ARID5B: variants seen among roughly 807,000 people sequenced by gnomAD.
ARID5B encodes the protein AT-rich interactive domain-containing protein 5B.
A neutral mutation model predicts 97.2 loss-of-function variants in ARID5B; 13 were observed. That is an observed-to-expected ratio of 0.13 (90% CI 0.09 to 0.21). The LOEUF (loss-of-function observed/expected upper bound fraction) is 0.21. ARID5B is among the 10% of genes least tolerant of loss of function. The pLI is 1.00. For missense variants in ARID5B, 1,210 were observed against 1,465.3 expected (o/e 0.83, Z 2.84); for synonymous variants, 556 against 570.3 (o/e 0.97, Z 0.36).
chr10:61,991,858 T>G (rs2132857044), intron 3 of ARID5B, among the ~76,000 whole-genome samples: 1 of 152,112 alleles, frequency 6.6e-6, no homozygotes, highest in East Asian at 1.9e-4. Context: ...GGAGAAACCC[T>G]GTCTCTACTA....
chr10:61,911,655 C>A (rs753699571), intron 2 of ARID5B, among the ~76,000 whole-genome samples: 2 of 152,166 alleles, frequency 1.3e-5, no homozygotes, highest in African/African-American at 2.4e-5. Context: ...GAGCGGCACC[C>A]AGTTTTAACC....
intron 2 of ARID5B, among the ~76,000 whole-genome samples, chr10:61,921,376 A>G (rs1029758888): frequency 6.6e-6 from 1 of 152,212 alleles, no homozygotes; most frequent in Non-Finnish European, 1.5e-5. Flanking sequence ...TTAATACTTC[A>G]GACCCACTCA....
intron 2 of ARID5B, among the ~76,000 whole-genome samples, chr10:61,934,269 C>T (rs1023632515): frequency 1.8e-4 from 28 of 152,160 alleles, no homozygotes; most frequent in African/African-American, 6.5e-4. Context: ...ATCTTTCTAC[C>T]CAGACCACTA....
Position 62,001,018 on chromosome 10 carries a change from A to G in ARID5B, c.733+697A>G, listed in dbSNP as rs1389735869. On this transcript the variant is annotated intron_variant, in intron 4 of 9. Coordinates refer to ENST00000279873, the MANE Select transcript of ARID5B (RefSeq NM_032199.3). ...TAGCTAACTGGTCACGTGTCTCTAC[A>G]TGTAGACAGAAGGGGAGGAGAAGAA... 5.9e-5 allele frequency among the ~76,000 whole-genome samples: 9 copies of G among 152,216 alleles called. No homozygotes were observed. In the East Asian group the frequency reaches 1.5e-3, roughly 26 times the overall value.
rs115880051 is a variant in ARID5B at position 62,062,326 on chromosome 10, T to G, written c.1101+3031T>G. Among the ~76,000 whole-genome samples the G allele has an allele frequency of 4.4e-3, 668 of 152,324 alleles. 5 individuals are homozygous for G. Among genetic ancestry groups the G allele is most frequent in the African/African-American group, 0.015 (638 of 41,570 alleles). ...TAGAGTCTTCTAGATCAGTGGCTCC[T>G]AAAAGCTACTCAAGAATAGGGCTCA... On this transcript the variant is annotated intron_variant, in intron 7 of 9. Coordinates refer to ENST00000279873, the MANE Select transcript of ARID5B (RefSeq NM_032199.3).
intron 3 of ARID5B, among the ~76,000 whole-genome samples, chr10:61,969,835 GT>G (rs1838601023): frequency 6.6e-6 from 1 of 152,026 alleles, no homozygotes; most frequent in Admixed American, 6.6e-5. Context: ...TTTTGGATTT[GT>G]TTTTTGCCCT....
In ARID5B at chr10:62,091,331, T is replaced by C; in HGVS notation, c.1868T>C (p.Ile623Thr). The C allele has an allele frequency of 6.2e-7, 1 of 1,614,150 alleles. No individual in the cohort carries two copies. Among genetic ancestry groups the C allele is most frequent in the Non-Finnish European group, 8.5e-7 (1 of 1,180,012 alleles). Residue 623 changes from isoleucine to threonine, a missense_variant, in exon 10 of 10, where the codon ATT becomes ACT. Coordinates refer to ENST00000279873, the MANE Select transcript of ARID5B (RefSeq NM_032199.3). ...AAACTGCCCGCCATGGCAGATTACA[T>C]TGCCAACTGCACCGTGAAGGTGGAC... ...DDKLPAMADY[I>T]ANCTVKVDQL...
Position 61,902,209 on chromosome 10 carries a change from T to C in ARID5B, c.72T>C (p.Ala24=), listed in dbSNP as rs1233742210. Residue 24 remains alanine (A), a synonymous_variant, in exon 2 of 10, where the codon GCT becomes GCC. Transcript: ENST00000279873. ...ACGGACCTTACATTTTCTACAAGGC[T>C]TTTCAATTCCACCTTGAAGGCAAAC... The part of the protein sequence containing the change: ...GLHGPYIFYK[A]FQFHLEGKPR... 6.2e-7 allele frequency: 1 copy of C among 1,613,814 alleles called. No homozygotes were observed. Among genetic ancestry groups the C allele is most frequent in the South Asian group, 1.1e-5 (1 of 91,066 alleles).
At chr10:61,978,483 T>C (rs898885645) in intron 3 of ARID5B, among the ~76,000 whole-genome samples, 1 of 152,252 alleles carries the variant, frequency 6.6e-6, no homozygotes, top group African/African-American at 2.4e-5. Flanking sequence ...TGATTCTTCC[T>C]ACCCATGAGC....
chr10:62,043,314 G>A (rs183419637), intron 4 of ARID5B, among the ~76,000 whole-genome samples: 3 of 152,330 alleles, frequency 2.0e-5, no homozygotes, highest in African/African-American at 7.2e-5. Flanking sequence ...TCAAGCAGTA[G>A]TGAAAAGCAT....
chr10:62,091,491 C>T lies in ARID5B; in HGVS notation c.2028C>T (p.Pro676=). The T allele has an allele frequency of 1.2e-6, 2 of 1,613,368 alleles. No homozygotes were observed. The highest frequency in any genetic ancestry group is 1.7e-6 in the Non-Finnish European group (2 of 1,179,708). ...MNENHGLNYT[P]LLYSRGNPGI... ...AGAACCATGGACTTAATTACACGCCCCTGCTCTACTCTAGGGGCAACCCAG... is the reference window on the plus strand; with the variant it reads ...AGAACCATGGACTTAATTACACGCCTCTGCTCTACTCTAGGGGCAACCCAG... Residue 676 remains proline (P), a synonymous_variant, in exon 10 of 10, where the codon CCC becomes CCT. Transcript: ENST00000279873.
rs904729545 is a variant in ARID5B at position 62,015,009 on chromosome 10, C to T, written c.733+14688C>T. ...GGTGTTTCCAATGATTCTCTGTAAA[C>T]GTTACACTTCATTAATTAGAACAAC... On this transcript the variant is annotated intron_variant, in intron 4 of 9. Coordinates refer to ENST00000279873, the MANE Select transcript of ARID5B (RefSeq NM_032199.3). Among the ~76,000 whole-genome samples, 7 of 152,104 alleles carry T rather than the reference C, an allele frequency of 4.6e-5. No individual in the cohort carries two copies. In the South Asian group the frequency reaches 6.2e-4, roughly 14 times the overall value.
intron 2 of ARID5B, 124 bp from the exon 3 acceptor site, chr10:61,940,059 C>G: frequency 4.0e-6 from 3 of 755,608 alleles, no homozygotes; most frequent in Non-Finnish European, 6.8e-6. Context: ...CCAGAATGCA[C>G]ACAGTCTCCT....
chr10:61,920,978 C>T (rs1844004442), intron 2 of ARID5B, among the ~76,000 whole-genome samples: 1 of 152,164 alleles, frequency 6.6e-6, no homozygotes, highest in African/African-American at 2.4e-5. Flanking sequence ...TGAAAGATCT[C>T]TCATACAGGC....
chr10:61,955,571 A>C (rs537477478), intron 3 of ARID5B, among the ~76,000 whole-genome samples: 1 of 152,360 alleles, frequency 6.6e-6, no homozygotes, highest in South Asian at 2.1e-4. Flanking sequence ...AACTACAGAT[A>C]ATCTAGTTAC....
At chr10:61,964,866 T>C (rs1483593769) in intron 3 of ARID5B, among the ~76,000 whole-genome samples, 1 of 152,236 alleles carries the variant, frequency 6.6e-6, no homozygotes, top group Non-Finnish European at 1.5e-5. Flanking sequence ...AACACATTAA[T>C]TGTACGTGTG....
rs184045318 is a variant in ARID5B, at chr10:61,920,521, G to A, written c.276+18108G>A. ...CTAATTTTTTTTTGTATTTTTAGTA[G>A]AGACAGGTTTCGCCATGTTGGCCAG... On this transcript the variant is annotated intron_variant, in intron 2 of 9. Coordinates refer to ENST00000279873, the MANE Select transcript of ARID5B (RefSeq NM_032199.3). 3.9e-3 allele frequency among the ~76,000 whole-genome samples: 588 copies of A among 151,932 alleles called. 2 individuals carry two copies. Among genetic ancestry groups the A allele is most frequent in the Middle Eastern group, 0.014 (4 of 292 alleles).
At chr10:61,926,620 A>T (rs529410936) in intron 2 of ARID5B, among the ~76,000 whole-genome samples, 7 of 151,624 alleles carry the variant, frequency 4.6e-5, no homozygotes, top group South Asian at 2.1e-4. Flanking sequence ...TTATTTATTT[A>T]TTTTTTTGAG....
At chr10:61,992,605 CT>C (rs961606908) in intron 3 of ARID5B, among the ~76,000 whole-genome samples, 2 of 151,812 alleles carry the variant, frequency 1.3e-5, no homozygotes, top group Non-Finnish European at 2.9e-5. Context: ...CCCACATTTA[CT>C]TTTTTTTAAG....
Sources: allele counts gnomAD v4.1 joint callset (sites outside exome capture counted in the v4.1 genomes callset), GRCh38; gene constraint gnomAD v4.1.1; transcripts MANE v1.5; gene names NCBI Gene and HGNC (gene_info 2026-07-23, HGNC 2026-07-21).